The following KCNQ5 variants were observed in gnomAD, a reference collection of about 807,000 sequenced individuals.
KCNQ5 encodes potassium voltage-gated channel subfamily Q member 5.
Under a neutral mutation model 98.2 loss-of-function variants are expected in KCNQ5, and 30 were observed. The ratio of observed to expected loss-of-function variants is 0.31; its 90% confidence interval spans 0.23 to 0.41. The LOEUF (loss-of-function observed/expected upper bound fraction) is 0.41, where lower values mean the gene tolerates loss of function less well. KCNQ5 is among the 10% of genes least tolerant of loss of function. The pLI, the probability that KCNQ5 is intolerant of heterozygous loss-of-function variation, is 1.00. For synonymous variants in KCNQ5, 458 were observed against 449.4 expected (o/e 1.02, Z -0.24); for missense variants, 835 against 1,182.5 (o/e 0.71, Z 4.31).
chr6:73,008,740 C>T (rs1271970927), intron 2 of KCNQ5, among the ~76,000 whole-genome samples: 1 of 152,086 alleles, frequency 6.6e-6, no homozygotes, highest in Non-Finnish European at 1.5e-5. Flanking sequence ...GAAGACTTAA[C>T]ACAATAAACC....
At chr6:73,146,608 C>A (rs1329253559) in intron 10 of KCNQ5, among the ~76,000 whole-genome samples, 1 of 87,594 alleles carries the variant, frequency 1.1e-5, no homozygotes, top group Non-Finnish European at 2.1e-5. Context: ...TCCTGGGCAA[C>A]AGAACAAGTC....
intron 1 of KCNQ5, among the ~76,000 whole-genome samples, chr6:72,847,018 G>C (rs192484007): frequency 6.6e-6 from 1 of 152,018 alleles, no homozygotes; most frequent in African/African-American, 2.4e-5. Context: ...TGTGCTAGGG[G>C]ATATATGGGT....
intron 1 of KCNQ5, among the ~76,000 whole-genome samples, chr6:72,780,787 G>A (rs576426378): frequency 1.3e-4 from 20 of 152,020 alleles, no homozygotes; most frequent in Non-Finnish European, 2.8e-4. Flanking sequence ...TAACAGGCAG[G>A]GTGGAATATA....
intron 1 of KCNQ5, among the ~76,000 whole-genome samples, chr6:72,930,458 C>T (rs1344560754): frequency 6.6e-6 from 1 of 151,490 alleles, no homozygotes; most frequent in Admixed American, 6.6e-5. Context: ...TGAAAACAAA[C>T]AGACCATTTG....
intron 5 of KCNQ5, among the ~76,000 whole-genome samples, chr6:73,101,215 T>A (rs1052758897): frequency 6.6e-6 from 1 of 152,148 alleles, no homozygotes; most frequent in Non-Finnish European, 1.5e-5. Flanking sequence ...CCATCCCTAA[T>A]GAACATTGAT....
intron 1 of KCNQ5, among the ~76,000 whole-genome samples, chr6:72,972,360 C>CTA (rs1767942491): frequency 6.6e-6 from 1 of 150,912 alleles, no homozygotes; most frequent in Non-Finnish European, 1.5e-5. Flanking sequence ...TGAGCTGCTT[C>CTA]TTTTTTTTTC....
At chr6:73,074,211 C>A (rs1451242370) in intron 3 of KCNQ5, among the ~76,000 whole-genome samples, 1 of 151,958 alleles carries the variant, frequency 6.6e-6, no homozygotes, top group African/African-American at 2.4e-5. Flanking sequence ...AATAGTAGAT[C>A]ACAAAAATAG....
At chr6:73,170,984 A>G (rs1777992242) in intron 11 of KCNQ5, among the ~76,000 whole-genome samples, 1 of 151,940 alleles carries the variant, frequency 6.6e-6, no homozygotes, top group African/African-American at 2.4e-5. Context: ...TTAGCTATTC[A>G]CATGTTTGGT....
At chr6:73,081,958 A>G (rs1035664911) in intron 5 of KCNQ5, among the ~76,000 whole-genome samples, 5 of 152,212 alleles carry the variant, frequency 3.3e-5, no homozygotes, top group Admixed American at 2.6e-4. Flanking sequence ...TCCTAACATA[A>G]TTACAACTTT....
intron 1 of KCNQ5, among the ~76,000 whole-genome samples, chr6:72,913,938 C>T (rs1273609066): frequency 6.6e-6 from 1 of 152,152 alleles, no homozygotes; most frequent in African/African-American, 2.4e-5. Flanking sequence ...GGGAACTTAA[C>T]AAGGCGTGTT....
chr6:73,007,882 C>T (rs775869682), intron 2 of KCNQ5, among the ~76,000 whole-genome samples: 3 of 152,162 alleles, frequency 2.0e-5, no homozygotes, highest in Non-Finnish European at 2.9e-5. Flanking sequence ...TAAAACGATC[C>T]TCCCCACATC....
At chr6:72,662,839 A>G (rs1351921836) in intron 1 of KCNQ5, among the ~76,000 whole-genome samples, 1 of 152,194 alleles carries the variant, frequency 6.6e-6, no homozygotes, top group African/African-American at 2.4e-5. Context: ...AAATATAATG[A>G]TCTAGAATAA....
intron 1 of KCNQ5, among the ~76,000 whole-genome samples, chr6:72,735,985 CTG>C (rs1178867905): frequency 6.6e-6 from 1 of 151,838 alleles, no homozygotes; most frequent in East Asian, 1.9e-4. Context: ...AATTTCAAAA[CTG>C]GATATTTATT....
rs922553985 is a variant in KCNQ5 at position 73,198,613 on chromosome 6, AT to A, written c.*3204del. 4.6e-5 allele frequency: 7 copies of A among 152,194 alleles called. No individual in the cohort carries two copies. Among genetic ancestry groups the A allele is most frequent in the African/African-American group, 1.7e-4 (7 of 41,452 alleles). The allele number at this position is 152,194 out of a possible 1,614,324, so 9.4% of individuals were successfully genotyped here. On this transcript the variant is annotated 3_prime_UTR_variant, in exon 14 of 14. Coordinates refer to ENST00000370398, the MANE Select transcript of KCNQ5 (RefSeq NM_019842.4). ...TTAACTTGTCTCCCTAGAAGCTGAG[AT>A]TTTTCGCCTTAAATGACATGGTTGT...
At chr6:72,760,216 A>G (rs1001692616) in intron 1 of KCNQ5, among the ~76,000 whole-genome samples, 2 of 152,154 alleles carry the variant, frequency 1.3e-5, no homozygotes, top group Non-Finnish European at 2.9e-5. Flanking sequence ...CTGGTAATTC[A>G]TGCTGTACCA....
intron 1 of KCNQ5, among the ~76,000 whole-genome samples, chr6:72,985,424 C>A (rs1274919811): frequency 2.0e-5 from 3 of 152,122 alleles, no homozygotes; most frequent in African/African-American, 7.2e-5. Flanking sequence ...CACAACATTC[C>A]CCTGTCCCCA....
chr6:72,786,922 C>G (rs1471803496), intron 1 of KCNQ5, among the ~76,000 whole-genome samples: 1 of 150,098 alleles, frequency 6.7e-6, no homozygotes, highest in Non-Finnish European at 1.5e-5. Flanking sequence ...AGGAGAATGG[C>G]CTGAACCCAG....
At chr6:72,672,797 T>C (rs529526200) in intron 1 of KCNQ5, among the ~76,000 whole-genome samples, 2 of 152,360 alleles carry the variant, frequency 1.3e-5, no homozygotes, top group African/African-American at 4.8e-5. Flanking sequence ...TTTATCACTT[T>C]CATTTCATAA....
intron 10 of KCNQ5, among the ~76,000 whole-genome samples, chr6:73,162,573 G>C (rs1185852508): frequency 1.3e-5 from 2 of 152,188 alleles, no homozygotes; most frequent in African/African-American, 2.4e-5. Flanking sequence ...GGAGAACAGA[G>C]GGCCAGCCTC....
Sources: gnomAD v4.1 joint callset for allele counts (sites outside exome capture counted in the v4.1 genomes callset) on GRCh38, gnomAD v4.1.1 for gene constraint, MANE v1.5 for transcripts, NCBI Gene and HGNC (gene_info 2026-07-23, HGNC 2026-07-21) for gene names.